Variants in PDE11A observed in about 807,000 individuals in gnomAD.
PDE11A encodes the protein dual 3',5'-cyclic-AMP and -GMP phosphodiesterase 11A.
PDE11A carries 100 observed loss-of-function variants against 100.5 expected under a neutral mutation model. The observed-to-expected ratio is 1.00, with a 90% CI of 0.85 to 1.18. The LOEUF is 1.18. PDE11A is among the 50% of genes most tolerant of loss of function. The probability of loss-of-function intolerance (pLI) is 0.00; values close to 1 mark genes in which losing one functional copy is unlikely to be tolerated. For synonymous variants in PDE11A, 381 were observed against 420.8 expected (o/e 0.91, Z 1.16); for missense variants, 1,141 against 1,152.6 (o/e 0.99, Z 0.15).
chr2:177,689,263 G>T (rs1050057116), intron 15 of PDE11A, among the ~76,000 whole-genome samples: 4 of 152,060 alleles, frequency 2.6e-5, no homozygotes, highest in Non-Finnish European at 4.4e-5. Context: ...TGTATTTTTA[G>T]TAGAGACGGG....
At chr2:178,070,769 A>G (rs568127845) in intron 1 of PDE11A, among the ~76,000 whole-genome samples, 1 of 152,136 alleles carries the variant, frequency 6.6e-6, no homozygotes, top group African/African-American at 2.4e-5. Context: ...GAGTTGCTAA[A>G]AAATTATCAA....
rs1158269483 is a variant in PDE11A at position 178,072,023 on chromosome 2, C to T, written c.415G>A (p.Glu139Lys). The T allele has an allele frequency of 6.2e-7, 1 of 1,613,952 alleles. No homozygotes were observed. Among genetic ancestry groups the T allele is most frequent in the East Asian group, 2.2e-5 (1 of 44,872 alleles). ...KAIHVNRTYD[E>K]QVTSRAQEPL... ...TCCTGAGCCCGGGAGGTCACCTGTT[C>T]ATCGTAGGTCCTGTTCACGTGGATG... Residue 139 changes from glutamate (E) to lysine (K), a missense_variant, in exon 1 of 20, where the codon GAA becomes AAA. Coordinates refer to ENST00000286063, the MANE Select transcript of PDE11A (RefSeq NM_016953.4).
intron 13 of PDE11A, among the ~76,000 whole-genome samples, chr2:177,703,594 T>C (rs2081233285): frequency 6.6e-6 from 1 of 152,224 alleles, no homozygotes; most frequent in Non-Finnish European, 1.5e-5. Flanking sequence ...GAATCAGCCA[T>C]GCTCACATGC....
rs1005661448 is a variant in PDE11A at position 177,850,988 on chromosome 2, A to G, written c.1368-10605T>C. ...TGGAAGACAGTGTGGCGACTCCTCA[A>G]GGATCTAGAACTAGAAATACCATTT... is the stretch of plus-strand genomic sequence containing the variant. On this transcript the variant is annotated intron_variant, in intron 5 of 19. Transcript: ENST00000286063. 4.3e-4 allele frequency among the ~76,000 whole-genome samples: 65 copies of G among 152,284 alleles called. No homozygotes were observed. The East Asian group carries it at 0.011, about 26-fold the overall frequency.
At chr2:177,754,176 G>T (rs548392120) in intron 10 of PDE11A, among the ~76,000 whole-genome samples, 4 of 152,220 alleles carry the variant, frequency 2.6e-5, no homozygotes, top group Non-Finnish European at 2.9e-5. Context: ...AGGAGTGACA[G>T]TTGGGAAGAG....
At chr2:178,076,103 C>T (rs2087204779), upstream of PDE11A, among the ~76,000 whole-genome samples, 2 of 151,998 alleles carry the variant, frequency 1.3e-5, no homozygotes, top group Non-Finnish European at 2.9e-5. Context: ...CATAGAATCC[C>T]CCAGGGCACT....
intron 1 of PDE11A, among the ~76,000 whole-genome samples, chr2:178,047,035 C>T (rs1025668387): frequency 6.6e-6 from 1 of 151,190 alleles, no homozygotes; most frequent in African/African-American, 2.4e-5. Flanking sequence ...GAAAAACTTT[C>T]TGGGATTTTT....
chr2:177,904,902 GATA>G (rs2084757042), intron 3 of PDE11A, among the ~76,000 whole-genome samples, 193 bp downstream of exon 3: 1 of 152,142 alleles, frequency 6.6e-6, no homozygotes, highest in African/African-American at 2.4e-5. Flanking sequence ...AATAACAACA[GATA>G]ATGTGTATCC....
chr2:177,944,512 T>G (rs2085380681), intron 2 of PDE11A, among the ~76,000 whole-genome samples: 1 of 152,228 alleles, frequency 6.6e-6, no homozygotes, highest in Non-Finnish European at 1.5e-5. Context: ...AGACTCTGCT[T>G]AAAAAGCTGA....
intron 10 of PDE11A, among the ~76,000 whole-genome samples, chr2:177,731,420 C>G (rs561170413): frequency 6.6e-6 from 1 of 152,184 alleles, no homozygotes; most frequent in Non-Finnish European, 1.5e-5. Flanking sequence ...TGTCTTTACT[C>G]TTTAGCTACT....
chr2:178,088,702 T>C (rs1375312598), intron 2 of PDE11A, among the ~76,000 whole-genome samples: 1 of 152,250 alleles, frequency 6.6e-6, no homozygotes, highest in African/African-American at 2.4e-5. Flanking sequence ...GTCTACATAT[T>C]TTTAAATATA....
intron 1 of PDE11A, among the ~76,000 whole-genome samples, chr2:178,105,258 G>A (rs1027934444): frequency 7.9e-5 from 12 of 152,220 alleles, no homozygotes; most frequent in Admixed American, 3.3e-4. Context: ...TCAGGAGTTC[G>A]AGATCAGCCC....
At chr2:178,080,434 T>C (rs563633143) in intron 2 of PDE11A, among the ~76,000 whole-genome samples, 1 of 152,208 alleles carries the variant, frequency 6.6e-6, no homozygotes, top group Non-Finnish European at 1.5e-5. Context: ...TTTGTCAGGT[T>C]TGTCAAAGAT....
At chr2:177,693,396 T>A (rs1164879636) in intron 15 of PDE11A, among the ~76,000 whole-genome samples, 1 of 152,152 alleles carries the variant, frequency 6.6e-6, no homozygotes, top group Non-Finnish European at 1.5e-5. Flanking sequence ...ATATGAGACT[T>A]CTCAGATGGT....
intron 19 of PDE11A, among the ~76,000 whole-genome samples, chr2:177,661,805 A>T (rs990689124): frequency 2.0e-5 from 3 of 152,212 alleles, no homozygotes; most frequent in African/African-American, 4.8e-5. Flanking sequence ...TTTCAGCATG[A>T]CACATCTCTC....
chr2:177,656,171 T>C (rs4893976), intron 19 of PDE11A, among the ~76,000 whole-genome samples: 117,659 of 152,128 alleles, frequency 0.77, 46,167 homozygotes, highest in East Asian at 0.89. Flanking sequence ...TCATGCACCT[T>C]ATAATGGCAT....
chr2:177,956,097 G>T (rs2085558458), intron 2 of PDE11A, among the ~76,000 whole-genome samples: 1 of 151,986 alleles, frequency 6.6e-6, no homozygotes, highest in Admixed American at 6.6e-5. Context: ...CACAGCAAAA[G>T]AAACTACCAT....
At chr2:178,102,605 T>C (rs374211689) in intron 2 of PDE11A, among the ~76,000 whole-genome samples, 12 of 152,020 alleles carry the variant, frequency 7.9e-5, no homozygotes, top group African/African-American at 2.7e-4. Flanking sequence ...AGAGACAGGG[T>C]CTTACTACAT....
At chr2:177,754,238 C>A (rs931353179) in intron 10 of PDE11A, among the ~76,000 whole-genome samples, 24 of 152,226 alleles carry the variant, frequency 1.6e-4, no homozygotes, top group African/African-American at 5.3e-4. Flanking sequence ...AAGACTATTT[C>A]AAGGCTGAGT....
Sources: allele counts gnomAD v4.1 joint callset (sites outside exome capture counted in the v4.1 genomes callset), GRCh38; gene constraint gnomAD v4.1.1; transcripts MANE v1.5; gene names NCBI Gene and HGNC (gene_info 2026-07-23, HGNC 2026-07-21).